The following KIDINS220 variants were observed in gnomAD, a reference collection of about 807,000 sequenced individuals.
KIDINS220 encodes the protein kinase D interacting substrate 220.
In KIDINS220, 63 loss-of-function variants were observed where a neutral mutation model predicts 157.6. That is an observed-to-expected ratio of 0.40 (90% CI 0.33 to 0.49). The LOEUF (loss-of-function observed/expected upper bound fraction) is 0.49. Among genes scored for constraint, KIDINS220 ranks in the 20% least tolerant of loss-of-function variants. The pLI, the probability that KIDINS220 is intolerant of heterozygous loss-of-function variation, is 0.66. For missense variants in KIDINS220, 1,772 were observed against 2,171.2 expected, an observed-to-expected ratio of 0.82 and a Z score of 3.65; for synonymous variants, 732 against 783.6, an observed-to-expected ratio of 0.93 and a Z score of 1.10.
At chr2:8,794,143 C>A (rs1189669517) in intron 11 of KIDINS220, 156 bp from the exon 12 acceptor site, 2 of 508,960 alleles carry the variant, frequency 3.9e-6, no homozygotes, top group South Asian at 3.5e-5. Flanking sequence ...CTCTATCTTC[C>A]CCATAATATC....
At chr2:8,828,577 C>T (rs979864223) in intron 1 of KIDINS220, among the ~76,000 whole-genome samples, 2 of 152,116 alleles carry the variant, frequency 1.3e-5, no homozygotes, top group Non-Finnish European at 2.9e-5. Flanking sequence ...CAAAATTGAC[C>T]TAAATATAAT....
In KIDINS220 at chr2:8,802,919, A is replaced by T. The variant is rs1311309473; in HGVS notation, c.801+11T>A. The T allele has an allele frequency of 3.7e-6, 6 of 1,611,620 alleles. No homozygotes were observed. The highest frequency in any genetic ancestry group is 4.2e-6 in the Non-Finnish European group (5 of 1,178,620). On this transcript the variant is annotated intron_variant, in intron 8 of 29. Transcript: ENST00000256707. ...CACCACTAGGAGACAAATGTGAAAT[A>T]GATGACCTACCCTGTCAGGTATGTT... is the stretch of plus-strand genomic sequence containing the variant.
At chr2:8,737,063 T>C (rs1572429445) in intron 26 of KIDINS220, 64 bp from the exon 27 acceptor site, 5 of 1,513,436 alleles carry the variant, frequency 3.3e-6, no homozygotes, top group East Asian at 2.3e-5. Context: ...AATGAGGTCA[T>C]GTGACAGAGA....
chr2:8,817,863 CT>C (rs1677315586), intron 3 of KIDINS220, 147 bp from the exon 4 acceptor site: 3 of 476,084 alleles, frequency 6.3e-6, no homozygotes, highest in Admixed American at 7.6e-5. Flanking sequence ...TAAAGTCATA[CT>C]GAAGCTCTCT....
At chr2:8,781,373 A>G (rs1345002657) in intron 17 of KIDINS220, among the ~76,000 whole-genome samples, 1 of 151,958 alleles carries the variant, frequency 6.6e-6, no homozygotes, top group Admixed American at 6.6e-5. Flanking sequence ...AAAACCAGTA[A>G]GGACGCAGTT....
In KIDINS220 at chr2:8,837,536, G is replaced by C. The variant is rs1047558576; in HGVS notation, c.-93C>G. ...TCGGCTGCAGGCGATGTCAGAGGAC[G>C]GGGAAGCAAGAGACGGCGACTGCAA... On this transcript the variant is annotated 5_prime_UTR_variant, in exon 1 of 30. Transcript: ENST00000256707. The C allele has an allele frequency of 9.2e-4, 141 of 152,438 alleles. No homozygotes were observed. Among genetic ancestry groups the C allele is most frequent in the African/African-American group, 3.1e-3 (128 of 41,586 alleles). The allele number at this position is 152,438 out of a possible 1,614,324, so 9.4% of individuals were successfully genotyped here. A position where few individuals can be genotyped will look rare whatever the true frequency, so the allele number is the denominator to read the frequency against.
rs1323328937 is a variant in KIDINS220 at position 8,778,926 on chromosome 2, T to C, written c.2584A>G (p.Asn862Asp). 7 of 1,614,206 alleles carry C rather than the reference T, an allele frequency of 4.3e-6. No individual in the cohort carries two copies. The East Asian group carries it at 1.6e-4, about 36-fold the overall frequency. Residue 862 changes from asparagine to aspartate, a missense_variant, in exon 19 of 30, where the codon AAT becomes GAT. By Grantham distance (23) the Asn-to-Asp change is conservative (BLOSUM62 1). Transcript: ENST00000256707. ...ARKFLVTSAT[N>D]GDVPCSDTTG... is the part of the protein sequence containing the mutation. ...GTATCTGAGCATGGAACGTCTCCAT[T>C]TGTTGCTGAAGTTACGAGAAATTTT...
Position 8,779,213 on chromosome 2 carries a change from A to T in KIDINS220, c.2371-74T>A, listed in dbSNP as rs186948159. ...AAAGAATAAGGCATCTCTTCAAAATATGTGCTACCTTTTGGTGACAATATT... is the reference window on the plus strand; with the variant it reads ...AAAGAATAAGGCATCTCTTCAAAATTTGTGCTACCTTTTGGTGACAATATT... On this transcript the variant is annotated intron_variant, in intron 18 of 29. Transcript: ENST00000256707. 4.8e-5 allele frequency: 74 copies of T among 1,529,334 alleles called. No homozygotes were observed. The Admixed American group carries it at 9.3e-4, about 19-fold the overall frequency. The allele number at this position is 1,529,334 out of a possible 1,614,324, so 94.7% of individuals were successfully genotyped here.
At chr2:8,808,970 A>G (rs1675900179) in intron 6 of KIDINS220, among the ~76,000 whole-genome samples, 1 of 152,094 alleles carries the variant, frequency 6.6e-6, no homozygotes, top group African/African-American at 2.4e-5. Flanking sequence ...AGGTCACCCA[A>G]ATAGTTACCT....
chr2:8,730,030 G>T lies in KIDINS220; in HGVS notation c.*690C>A. 1 of 985,418 alleles carries T rather than the reference G, an allele frequency of 1.0e-6. No homozygotes were observed. The highest frequency in any genetic ancestry group is 1.2e-6 in the Non-Finnish European group (1 of 829,964). The allele number at this position is 985,418 out of a possible 1,614,324, so 61.0% of individuals were successfully genotyped here. The stretch of plus-strand genomic sequence containing the variant: ...CTGGGATTTGGAGAGAAGAGTTTCC[G>T]ACATATAAACCCACGGAGGTCACCA... On this transcript the variant is annotated 3_prime_UTR_variant, in exon 30 of 30. Transcript: ENST00000256707.
At chr2:8,746,000 T>G (rs1196044871) in intron 26 of KIDINS220, among the ~76,000 whole-genome samples, 1 of 152,212 alleles carries the variant, frequency 6.6e-6, no homozygotes, top group African/African-American at 2.4e-5. Flanking sequence ...GTTCTTTTTT[T>G]TTTTTTTGAG....
chr2:8,754,456 T>A (rs1305847725), intron 22 of KIDINS220, among the ~76,000 whole-genome samples: 1 of 152,234 alleles, frequency 6.6e-6, no homozygotes, highest in Admixed American at 6.5e-5. Flanking sequence ...CACTTTTCAG[T>A]TAAGAGTGAA....
rs185838061 is a variant in KIDINS220 at position 8,811,247 on chromosome 2, G to A, written c.504+1148C>T. Among the ~76,000 whole-genome samples, 54 of 150,602 alleles carry A rather than the reference G, an allele frequency of 3.6e-4. 1 individual carries two copies. In the South Asian group the frequency reaches 4.6e-3, roughly 13 times the overall value. ...AAAAGACTATGACTATCCCCACAAT[G>A]TGCCAAATTCTAAGACCGCTACTGG... On this transcript the variant is annotated intron_variant, in intron 6 of 29. Transcript: ENST00000256707.
chr2:8,779,677 G>A lies in KIDINS220; in HGVS notation c.2367C>T (p.Asp789=), dbSNP rs1407045322. The A allele has an allele frequency of 6.2e-7, 1 of 1,613,790 alleles. No individual in the cohort carries two copies. The highest frequency in any genetic ancestry group is 8.5e-7 in the Non-Finnish European group (1 of 1,179,728). ...TTTTGAGGTGGCGCAAACGTACAGT[G>A]TCCAGCATCTGAAGGACTTTGTCCT... ...CEQDKVLQML[D]TVRVLFSKGP... is the part of the protein sequence containing the mutation. The change falls in exon 18 of 30, where the codon GAC becomes GAT. Residue 789 remains aspartate, a synonymous_variant. Transcript: ENST00000256707.
In KIDINS220 at chr2:8,734,729, C is replaced by T; in HGVS notation, c.3742G>A (p.Ala1248Thr). ...TTCAGCTCATCAATGTTACACTGAGCTAACACACGGCCATTTATGTTTGCC... is the reference window on the plus strand; with the variant it reads ...TTCAGCTCATCAATGTTACACTGAGTTAACACACGGCCATTTATGTTTGCC... ...KKANINGRVL[A>T]QCNIDELKKE... Residue 1248 changes from alanine (A) to threonine (T), a missense_variant, in exon 28 of 30, where the codon GCT (alanine) becomes ACT (threonine). This residue lies in a region of KIDINS220 where 793 missense variants were observed against 885.5 expected (regional missense o/e 0.90). Coordinates refer to ENST00000256707, the MANE Select transcript of KIDINS220 (RefSeq NM_020738.4). 1 of 1,612,708 alleles carries T rather than the reference C, an allele frequency of 6.2e-7. No homozygotes were observed. Among genetic ancestry groups the T allele is most frequent in the Non-Finnish European group, 8.5e-7 (1 of 1,179,510 alleles).
chr2:8,730,794 C>A lies in KIDINS220; in HGVS notation c.5242G>T (p.Asp1748Tyr), dbSNP rs763763798. 42 of 1,614,240 alleles carry A rather than the reference C, an allele frequency of 2.6e-5. No individual in the cohort carries two copies. The Middle Eastern group carries it at 1.2e-3, about 44-fold the overall frequency. Reference sequence around the variant, plus strand: ...GCTGCTGCATGGAGCTCCGGAGGATCTTTGGAGAGCCTTGTGTAACTTGAA... The same window carrying A: ...GCTGCTGCATGGAGCTCCGGAGGATATTTGGAGAGCCTTGTGTAACTTGAA... ...QRSSYTRLSKDPPELHAAASS... is the reference protein window; with the variant it reads ...QRSSYTRLSKYPPELHAAASS... Residue 1748 changes from aspartate to tyrosine, a missense_variant, in exon 30 of 30, where the codon GAT (aspartate) becomes TAT (tyrosine). By Grantham distance (160) the Asp-to-Tyr change is radical (BLOSUM62 -3). Around this residue, in one of 3 missense-constraint regions of KIDINS220, gnomAD observed 793 missense variants for 885.5 expected, o/e 0.90. Transcript: ENST00000256707.
intron 7 of KIDINS220, among the ~76,000 whole-genome samples, chr2:8,805,907 A>G (rs1393639243): frequency 6.6e-6 from 1 of 152,206 alleles, no homozygotes; most frequent in Non-Finnish European, 1.5e-5. Context: ...GATGTGTGTA[A>G]GTGCACTCTA....
chr2:8,807,659 T>C (rs1239000690), intron 6 of KIDINS220, among the ~76,000 whole-genome samples: 2 of 152,178 alleles, frequency 1.3e-5, no homozygotes, highest in African/African-American at 4.8e-5. Flanking sequence ...TGTTGAGGGC[T>C]GGAGCCCTGG....
At position 8,731,948 on chromosome 2, in the gene KIDINS220, A is replaced by C; in HGVS notation, c.4088T>G (p.Leu1363Arg). ...QTRRTPSLSS[L>R]NSQDSSIEIS... ...TTCAATACTGGAATCCTGGGAATTG[A>C]GACTCGAAAGACTTGGGGTTCTGCG... The change falls in exon 30 of 30, where the codon CTC (leucine) becomes CGC (arginine). Residue 1363 changes from leucine (L) to arginine (R), a missense_variant. Coordinates refer to ENST00000256707, the MANE Select transcript of KIDINS220 (RefSeq NM_020738.4). The surrounding 1 kb of genome is among the most constrained non-coding windows in gnomAD (Gnocchi z 5.2). 1 of 1,602,736 alleles carries C rather than the reference A, an allele frequency of 6.2e-7. No homozygotes were observed. The highest frequency in any genetic ancestry group is 1.1e-5 in the South Asian group (1 of 88,384).
Sources: gnomAD v4.1 joint callset for allele counts (sites outside exome capture counted in the v4.1 genomes callset) on GRCh38, gnomAD v4.1.1 for gene constraint, gnomAD v4.1.1 regional missense constraint, Gnocchi (gnomAD v3.1) non-coding constraint, MANE v1.5 for transcripts, NCBI Gene and HGNC (gene_info 2026-07-23, HGNC 2026-07-21) for gene names.